IGSF3: variants seen among roughly 807,000 people sequenced by gnomAD.
IGSF3 encodes the protein glu-Trp-Ile EWI motif-containing protein 3.
A neutral mutation model predicts 114.4 loss-of-function variants in IGSF3; 23 were observed. The ratio of observed to expected loss-of-function variants is 0.20; its 90% CI spans 0.14 to 0.28. The LOEUF is 0.28. IGSF3 is among the 10% of genes least tolerant of loss of function. The probability of loss-of-function intolerance (pLI) is 1.00; values close to 1 mark genes in which losing one functional copy is unlikely to be tolerated. For synonymous variants in IGSF3, 571 were observed against 645.2 expected, an observed-to-expected ratio of 0.88 and a Z score of 1.74; for missense variants, 1,172 against 1,591.5, an observed-to-expected ratio of 0.74 and a Z score of 4.48.
chr1:116,576,773 C>G lies in IGSF3; in HGVS notation c.*539G>C, dbSNP rs1459479149. 1 of 153,424 alleles carries G rather than the reference C, an allele frequency of 6.5e-6. No individual in the cohort carries two copies. The highest frequency in any genetic ancestry group is 1.9e-4 in the East Asian group (1 of 5,204). The allele number at this position is 153,424 out of a possible 1,614,324, so 9.5% of individuals were successfully genotyped here. A position where few individuals can be genotyped will look rare whatever the true frequency, so the allele number is the denominator to read the frequency against. The stretch of plus-strand genomic sequence containing the variant: ...CCCACACTACACACAATTCTTAAGT[C>G]TTGTTAAGAAAGTAAAAAACGTTTG... On this transcript the variant is annotated 3_prime_UTR_variant, in exon 11 of 11. Coordinates refer to ENST00000369486, the MANE Select transcript of IGSF3 (RefSeq NM_001007237.3). This position sits in a 1 kb window ranked among gnomAD's most constrained non-coding sequence, Gnocchi z 4.6.
intron 2 of IGSF3, among the ~76,000 whole-genome samples, chr1:116,645,201 A>G (rs1201827592): frequency 3.3e-5 from 5 of 152,404 alleles, no homozygotes; most frequent in Middle Eastern, 3.4e-3. Flanking sequence ...AGATATACAC[A>G]AGAACATGGA....
In IGSF3 at chr1:116,646,621, G is replaced by A. The variant is rs184070999; in HGVS notation, c.43+19663C>T. Among the ~76,000 whole-genome samples, 191 of 152,212 alleles carry A rather than the reference G, an allele frequency of 1.3e-3. 2 individuals carry two copies. The highest frequency in any genetic ancestry group is 3.3e-3 in the African/African-American group (138 of 41,530). ...AGGGAGAATCGAGTGAGTTGTCAGC[G>A]GTGAAATACAGAGGAGGTAGAGAGA... On this transcript the variant is annotated intron_variant, in intron 2 of 10. Transcript: ENST00000369486.
In IGSF3 at chr1:116,653,880, G is replaced by A. The variant is rs114513426; in HGVS notation, c.43+12404C>T. Among the ~76,000 whole-genome samples, 578 of 152,350 alleles carry A rather than the reference G, an allele frequency of 3.8e-3. 7 individuals carry two copies. The highest frequency in any genetic ancestry group is 0.013 in the African/African-American group (546 of 41,588). On this transcript the variant is annotated intron_variant, in intron 2 of 10. Coordinates refer to ENST00000369486, the MANE Select transcript of IGSF3 (RefSeq NM_001007237.3). Reference sequence around the variant, plus strand: ...TCACCTGCTCCAACAGAGAGAAGGCGAAAGCACTGGGCAGCGTGCTCAGAA... The same window carrying A: ...TCACCTGCTCCAACAGAGAGAAGGCAAAAGCACTGGGCAGCGTGCTCAGAA...
chr1:116,587,513 G>A (rs1285778447), intron 8 of IGSF3, among the ~76,000 whole-genome samples: 5 of 152,092 alleles, frequency 3.3e-5, no homozygotes, highest in East Asian at 1.9e-4. Context: ...GGTGATCAAG[G>A]AAAGCAACCA....
rs1040740360 is a variant in IGSF3, at chr1:116,650,627, G to A, written c.43+15657C>T. On this transcript the variant is annotated intron_variant, in intron 2 of 10. Coordinates refer to ENST00000369486, the MANE Select transcript of IGSF3 (RefSeq NM_001007237.3). This position sits in a 1 kb window ranked among gnomAD's most constrained non-coding sequence, Gnocchi z 5.0. ...ACAGGAAGAGAAAAGAAGAGCCACT[G>A]TAGGTAACCAATCACGTCTACCACA... Among the ~76,000 whole-genome samples the A allele has an allele frequency of 5.3e-5, 8 of 152,300 alleles. No individual in the cohort carries two copies. Among genetic ancestry groups the A allele is most frequent in the Middle Eastern group, 3.4e-3 (1 of 294 alleles).
chr1:116,621,894 G>A (rs1661431749), intron 2 of IGSF3, among the ~76,000 whole-genome samples: 1 of 152,134 alleles, frequency 6.6e-6, no homozygotes, highest in African/African-American at 2.4e-5. Context: ...GTTCAAAGAT[G>A]CTCCCACTTT....
Position 116,628,413 on chromosome 1 carries a change from C to T in IGSF3, c.44-11956G>A, listed in dbSNP as rs1388790974. On this transcript the variant is annotated intron_variant, in intron 2 of 10. Transcript: ENST00000369486. The surrounding 1 kb of genome is among the most constrained non-coding windows in gnomAD (Gnocchi z 4.2). ...TGGCTGGGAGACTTTTTTTTTTAAC[C>T]AGGCCCCCAGAGTTGTAGATTTTGG... is the stretch of plus-strand genomic sequence containing the variant. 6.6e-6 allele frequency among the ~76,000 whole-genome samples: 1 copy of T among 151,806 alleles called. No individual in the cohort carries two copies. The highest frequency in any genetic ancestry group is 2.4e-5 in the African/African-American group (1 of 41,328).
At position 116,664,213 on chromosome 1, in the gene IGSF3, T is replaced by G. The variant is rs1649234119; in HGVS notation, c.43+2071A>C. On this transcript the variant is annotated intron_variant, in intron 2 of 10. Coordinates refer to ENST00000369486, the MANE Select transcript of IGSF3 (RefSeq NM_001007237.3). This position sits in a 1 kb window ranked among gnomAD's most constrained non-coding sequence, Gnocchi z 4.6. Reference sequence around the variant, plus strand: ...AAACCTTCCCACTTCAGCCTGCATCTGGATGTCTGCCACTGTGCCCCTTTA... The same window carrying G: ...AAACCTTCCCACTTCAGCCTGCATCGGGATGTCTGCCACTGTGCCCCTTTA... Among the ~76,000 whole-genome samples, 1 of 152,220 alleles carries G rather than the reference T, an allele frequency of 6.6e-6. No homozygotes were observed. The highest frequency in any genetic ancestry group is 1.5e-5 in the Non-Finnish European group (1 of 68,038).
chr1:116,582,141 A>G lies in IGSF3; in HGVS notation c.2849-2264T>C, dbSNP rs1181370638. Among the ~76,000 whole-genome samples the G allele has an allele frequency of 1.3e-5, 2 of 152,178 alleles. No individual in the cohort carries two copies. The highest frequency in any genetic ancestry group is 2.9e-5 in the Non-Finnish European group (2 of 68,040). Reference sequence around the variant, plus strand: ...TAAATGACTCAATACAAGTTTTTCGACAGAAATTAATTTCCACCTTCCCAC... The same window carrying G: ...TAAATGACTCAATACAAGTTTTTCGGCAGAAATTAATTTCCACCTTCCCAC... On this transcript the variant is annotated intron_variant, in intron 9 of 10. Transcript: ENST00000369486. The surrounding 1 kb of genome is among the most constrained non-coding windows in gnomAD (Gnocchi z 4.7).
At chr1:116,652,734 A>G (rs1648684697) in intron 2 of IGSF3, among the ~76,000 whole-genome samples, 1 of 152,238 alleles carries the variant, frequency 6.6e-6, no homozygotes. Flanking sequence ...ACCTGGTATC[A>G]TTCAAGGAAA....
rs1244161630 is a variant in IGSF3, at chr1:116,579,049, C to T, written c.3334+343G>A. Among the ~76,000 whole-genome samples the T allele has an allele frequency of 2.0e-5, 3 of 152,150 alleles. No individual in the cohort carries two copies. The highest frequency in any genetic ancestry group is 3.8e-4 in the East Asian group (2 of 5,196). ...TGTGAGTCTGAAACGCTTGCTAATT[C>T]GCTAAAGACTAGTTCCAATATTCTA... On this transcript the variant is annotated intron_variant, in intron 10 of 10. Transcript: ENST00000369486. This position sits in a 1 kb window ranked among gnomAD's most constrained non-coding sequence, Gnocchi z 6.4.
rs1379455265 is a variant in IGSF3 at position 116,655,677 on chromosome 1, C to T, written c.43+10607G>A. ...CTTGGGAATTGAAAACACACGAAAA[C>T]TTTTTTTCTGGTCCATGAACAAACA... On this transcript the variant is annotated intron_variant, in intron 2 of 10. Coordinates refer to ENST00000369486, the MANE Select transcript of IGSF3 (RefSeq NM_001007237.3). The surrounding 1 kb of genome is among the most constrained non-coding windows in gnomAD (Gnocchi z 4.3). 2.6e-5 allele frequency among the ~76,000 whole-genome samples: 4 copies of T among 152,134 alleles called. No homozygotes were observed. The highest frequency in any genetic ancestry group is 2.6e-4 in the Admixed American group (4 of 15,266).
rs994861066 is a variant in IGSF3, at chr1:116,600,557, C to G, written c.1625-212G>C. 4.0e-5 allele frequency among the ~76,000 whole-genome samples: 6 copies of G among 151,796 alleles called. No individual in the cohort carries two copies. Among genetic ancestry groups the G allele is most frequent in the Admixed American group, 1.3e-4 (2 of 15,290 alleles). On this transcript the variant is annotated intron_variant, in intron 6 of 10. Coordinates refer to ENST00000369486, the MANE Select transcript of IGSF3 (RefSeq NM_001007237.3). This position sits in a 1 kb window ranked among gnomAD's most constrained non-coding sequence, Gnocchi z 5.5. ...CTCCAAAGAAAGGCCCACCACAATT[C>G]CCCCTGAGCAGCACTAGCCTAACCC...
rs1480798669 is a variant in IGSF3 at position 116,607,375 on chromosome 1, C to A, written c.1222+567G>T. Reference sequence around the variant, plus strand: ...TCAGCTAAGCTTAAAAGGCTATGCTCCAGGAAGATGTGAGAGGTCCCATCC... The same window carrying A: ...TCAGCTAAGCTTAAAAGGCTATGCTACAGGAAGATGTGAGAGGTCCCATCC... On this transcript the variant is annotated intron_variant, in intron 5 of 10. Transcript: ENST00000369486. The surrounding 1 kb of genome is among the most constrained non-coding windows in gnomAD (Gnocchi z 6.1). 2.6e-5 allele frequency among the ~76,000 whole-genome samples: 4 copies of A among 152,160 alleles called. No individual in the cohort carries two copies. The highest frequency in any genetic ancestry group is 9.7e-5 in the African/African-American group (4 of 41,412).
Position 116,613,908 on chromosome 1 carries a change from C to T in IGSF3, c.689G>A (p.Arg230His), listed in dbSNP as rs375715490. Residue 230 changes from arginine to histidine, a missense_variant, in exon 4 of 11, where the codon CGC (arginine) becomes CAC (histidine). This residue lies in a region of IGSF3 where 736 missense variants were observed against 1,042.0 expected (regional missense o/e 0.71). Coordinates refer to ENST00000369486, the MANE Select transcript of IGSF3 (RefSeq NM_001007237.3). ...RLDKLGRTTF[R>H]LTIFHLQPSD... ...AGGCTGCAGGTGGAAGATGGTGAGGCGGAAGGTGGTCCTCCCCAGCTTGTC... is the reference window on the plus strand; with the variant it reads ...AGGCTGCAGGTGGAAGATGGTGAGGTGGAAGGTGGTCCTCCCCAGCTTGTC... The T allele has an allele frequency of 2.2e-5, 35 of 1,613,754 alleles. No homozygotes were observed. In the Admixed American group the frequency reaches 2.3e-4, roughly 11 times the overall value.
intron 2 of IGSF3, among the ~76,000 whole-genome samples, chr1:116,637,371 G>C (rs991934674): frequency 1.3e-5 from 2 of 152,198 alleles, no homozygotes; most frequent in African/African-American, 2.4e-5. Context: ...CACTGATGTA[G>C]GTAGGCACTA....
chr1:116,643,585 C>T (rs1469150966), intron 2 of IGSF3, among the ~76,000 whole-genome samples: 6 of 152,348 alleles, frequency 3.9e-5, no homozygotes, highest in Admixed American at 6.5e-5. Context: ...CTCCCAGTCC[C>T]GTGAGGTCCT....
chr1:116,579,974 C>G lies in IGSF3; in HGVS notation c.2849-97G>C. 1 of 1,077,786 alleles carries G rather than the reference C, an allele frequency of 9.3e-7. No individual in the cohort carries two copies. Among genetic ancestry groups the G allele is most frequent in the Non-Finnish European group, 1.3e-6 (1 of 766,976 alleles). 66.8% of individuals were successfully genotyped at this position (1,077,786 alleles called of 1,614,324 possible). A position where few individuals can be genotyped will look rare whatever the true frequency, so the allele number is the denominator to read the frequency against. ...ATCATTAAACACATGATAGTAACAT[C>G]CATACTATAAGATATTATGCACCTA... On this transcript the variant is annotated intron_variant, in intron 9 of 10. Transcript: ENST00000369486. This position sits in a 1 kb window ranked among gnomAD's most constrained non-coding sequence, Gnocchi z 6.4.
rs2101350833 is a variant in IGSF3 at position 116,588,001 on chromosome 1, C to T, written c.2440+693G>A. Among the ~76,000 whole-genome samples the T allele has an allele frequency of 6.6e-6, 1 of 152,324 alleles. No individual in the cohort carries two copies. The highest frequency in any genetic ancestry group is 6.5e-5 in the Admixed American group (1 of 15,302). ...TTCATGTATTTGAAAGGAAATGACGCAGACTTCTCTTTGGTTGTTCCAGGG... is the reference window on the plus strand; with the variant it reads ...TTCATGTATTTGAAAGGAAATGACGTAGACTTCTCTTTGGTTGTTCCAGGG... On this transcript the variant is annotated intron_variant, in intron 8 of 10. Transcript: ENST00000369486. The surrounding 1 kb of genome is among the most constrained non-coding windows in gnomAD (Gnocchi z 4.9).
Sources: gnomAD v4.1 joint callset for allele counts (sites outside exome capture counted in the v4.1 genomes callset) on GRCh38, gnomAD v4.1.1 for gene constraint, gnomAD v4.1.1 regional missense constraint, Gnocchi (gnomAD v3.1) non-coding constraint, MANE v1.5 for transcripts, NCBI Gene and HGNC (gene_info 2026-07-23, HGNC 2026-07-21) for gene names.